Variants in RAD54B observed in about 807,000 individuals in gnomAD.
RAD54B encodes the protein DNA repair and recombination protein RAD54B.
A neutral mutation model predicts 95.8 loss-of-function variants in RAD54B; 78 were observed. That is an observed-to-expected ratio of 0.81 (90% CI 0.68 to 0.98). RAD54B has a LOEUF of 0.98. Ranked by LOEUF, RAD54B falls within the 50% of genes least tolerant of loss-of-function variation. The probability of loss-of-function intolerance (pLI) is 0.00; values close to 1 mark genes in which losing one functional copy is unlikely to be tolerated. For missense variants in RAD54B, 957 were observed against 1,056.6 expected (o/e 0.91, Z 1.31); for synonymous variants, 328 against 354.9 (o/e 0.92, Z 0.85).
chr8:94,431,618 A>C (rs1812097200), intron 3 of RAD54B: 4 of 931,970 alleles, frequency 4.3e-6, no homozygotes, highest in Non-Finnish European at 5.1e-6. Flanking sequence ...CCTAAACTGC[A>C]GAGATGGAAA....
chr8:94,404,923 C>T (rs751302282), intron 5 of RAD54B, among the ~76,000 whole-genome samples: 1 of 152,082 alleles, frequency 6.6e-6, no homozygotes, highest in African/African-American at 2.4e-5. Context: ...AAGCAATTCT[C>T]GTGCCTCAGC....
intron 1 of RAD54B, 93 bp from the exon 2 acceptor site, chr8:94,467,648 C>T: frequency 7.6e-7 from 1 of 1,307,486 alleles, no homozygotes; most frequent in Non-Finnish European, 1.0e-6. Context: ...TAAGATGGAA[C>T]AGAAACCCCT....
chr8:94,407,837 C>A, intron 4 of RAD54B, 117 bp from the exon 5 acceptor site: 33 of 668,072 alleles, frequency 4.9e-5, no homozygotes, highest in South Asian at 1.8e-4. Context: ...ATGCATTAGC[C>A]AAAATGGAAG....
intron 1 of RAD54B, among the ~76,000 whole-genome samples, chr8:94,471,654 C>T (rs983686815): frequency 1.3e-5 from 2 of 152,030 alleles, no homozygotes; most frequent in African/African-American, 4.8e-5. Context: ...CATGCCACAA[C>T]ATTAACCCTA....
chr8:94,445,719 C>T (rs1238198390), intron 3 of RAD54B, among the ~76,000 whole-genome samples: 1 of 150,978 alleles, frequency 6.6e-6, no homozygotes, highest in Non-Finnish European at 1.5e-5. Context: ...TTTTAAGAGA[C>T]AGGGCCTCAC....
chr8:94,415,046 C>T (rs1371696628), intron 3 of RAD54B, among the ~76,000 whole-genome samples: 3 of 151,654 alleles, frequency 2.0e-5, no homozygotes, highest in Non-Finnish European at 4.4e-5. Context: ...CAAAAAAGAG[C>T]CCGCATTGCC....
At chr8:94,422,745 C>CA (rs1811853919) in intron 3 of RAD54B, among the ~76,000 whole-genome samples, 1 of 121,748 alleles carries the variant, frequency 8.2e-6, no homozygotes, top group African/African-American at 3.9e-5. Flanking sequence ...CTCCTCACCA[C>CA]AAAAAATTAT....
rs1252408375 is a variant in RAD54B at position 94,399,409 on chromosome 8, C to T, written c.1378+5G>A. Reference sequence around the variant, plus strand: ...CAAAATATCTTCCCCAAACTGAATACTGACCAGTTAGAATTATTCTTTTCT... The same window carrying T: ...CAAAATATCTTCCCCAAACTGAATATTGACCAGTTAGAATTATTCTTTTCT... On this transcript the variant is annotated splice_donor_5th_base_variant and intron_variant, in intron 8 of 14. Coordinates refer to ENST00000336148, the MANE Select transcript of RAD54B (RefSeq NM_012415.3). 1.2e-6 allele frequency: 2 copies of T among 1,610,532 alleles called. No individual in the cohort carries two copies. Among genetic ancestry groups the T allele is most frequent in the Admixed American group, 1.7e-5 (1 of 59,936 alleles).
intron 3 of RAD54B, among the ~76,000 whole-genome samples, chr8:94,441,057 G>A (rs1252503626): frequency 5.3e-5 from 8 of 152,104 alleles, no homozygotes; most frequent in African/African-American, 9.7e-5. Context: ...AGAACACTGT[G>A]AAACTCCCTG....
At position 94,386,999 on chromosome 8, in the gene RAD54B, A is replaced by G. The variant is rs1281926772; in HGVS notation, c.1970T>C (p.Leu657Pro). 1 of 1,597,542 alleles carries G rather than the reference A, an allele frequency of 6.3e-7. No individual in the cohort carries two copies. The highest frequency in any genetic ancestry group is 1.4e-5 in the African/African-American group (1 of 74,024). Residue 657 changes from leucine to proline, a missense_variant, in exon 11 of 15, where the codon CTT (leucine) becomes CCT (proline). Coordinates refer to ENST00000336148, the MANE Select transcript of RAD54B (RefSeq NM_012415.3). Reference sequence around the variant, plus strand: ...TCGATCTTACTTTTCAGTAGGTCGAAGTTCGTGGATAACCGCTAAGAGCTT... The same window carrying G: ...TCGATCTTACTTTTCAGTAGGTCGAGGTTCGTGGATAACCGCTAAGAGCTT... ...LSKLLAVIHE[L>P]RPTEKVVLVS...
chr8:94,442,971 C>T (rs1361309576), intron 3 of RAD54B, among the ~76,000 whole-genome samples: 2 of 152,150 alleles, frequency 1.3e-5, no homozygotes, highest in African/African-American at 2.4e-5. Context: ...AAATCCCTTC[C>T]TAGTCACTAA....
In RAD54B at chr8:94,436,380, AT is replaced by A. The variant is rs1440327535; in HGVS notation, c.304+21887del. On this transcript the variant is annotated intron_variant, in intron 3 of 14. Coordinates refer to ENST00000336148, the MANE Select transcript of RAD54B (RefSeq NM_012415.3). ...TTAAAAAATGCAAAACAAAGACACT[AT>A]TCATTGCTCCCGTTGTGGGGATGCT... 5 of 1,292,094 alleles carry A rather than the reference AT, an allele frequency of 3.9e-6. No homozygotes were observed. The African/African-American group carries it at 7.5e-5, about 19-fold the overall frequency. 80.0% of individuals were successfully genotyped at this position (1,292,094 alleles called of 1,614,324 possible).
chr8:94,460,377 G>T (rs1033527387), intron 2 of RAD54B, among the ~76,000 whole-genome samples: 2 of 151,574 alleles, frequency 1.3e-5, no homozygotes, highest in African/African-American at 4.9e-5. Context: ...ACACTGAGGT[G>T]GGAGGATGGC....
intron 1 of RAD54B, among the ~76,000 whole-genome samples, chr8:94,470,332 C>T (rs1438864414): frequency 2.6e-5 from 4 of 152,264 alleles, no homozygotes; most frequent in African/African-American, 9.6e-5. Context: ...GGTGCAGTGG[C>T]TCACACCTGT....
chr8:94,388,132 T>C (rs1239287420), intron 10 of RAD54B, among the ~76,000 whole-genome samples: 1 of 152,216 alleles, frequency 6.6e-6, no homozygotes, highest in Non-Finnish European at 1.5e-5. Context: ...GTTAATGATA[T>C]GCAGTTGACC....
Position 94,385,776 on chromosome 8 carries a change from A to G in RAD54B, c.1985+1208T>C, listed in dbSNP as rs1810875741. ...GCTTAACAAAGAGAAAAAGTTGGCC[A>G]GAAGAATGAGAAGCAGAGGTAAGCC... is the stretch of plus-strand genomic sequence containing the variant. On this transcript the variant is annotated intron_variant, in intron 11 of 14. Transcript: ENST00000336148. Among the ~76,000 whole-genome samples, 5 of 152,242 alleles carry G rather than the reference A, an allele frequency of 3.3e-5. No individual in the cohort carries two copies. The South Asian group carries it at 1.0e-3, about 31-fold the overall frequency.
intron 3 of RAD54B, among the ~76,000 whole-genome samples, chr8:94,424,112 G>A (rs1811885516): frequency 6.6e-6 from 1 of 152,122 alleles, no homozygotes; most frequent in African/African-American, 2.4e-5. Flanking sequence ...ACTAAATTCT[G>A]ATAATTCAGA....
At chr8:94,430,636 C>A in intron 3 of RAD54B, 1 of 627,902 alleles carries the variant, frequency 1.6e-6, no homozygotes, top group South Asian at 7.1e-5. Flanking sequence ...AACCATTGGT[C>A]TACTCCAAAG....
intron 3 of RAD54B, among the ~76,000 whole-genome samples, chr8:94,416,633 A>T (rs991602321): frequency 7.2e-5 from 11 of 152,194 alleles, no homozygotes; most frequent in African/African-American, 2.7e-4. Context: ...ACATAAAAAG[A>T]TATTTAACAT....
Sources: gnomAD v4.1 joint callset for allele counts (sites outside exome capture counted in the v4.1 genomes callset) on GRCh38, gnomAD v4.1.1 for gene constraint, MANE v1.5 for transcripts, NCBI Gene and HGNC (gene_info 2026-07-23, HGNC 2026-07-21) for gene names.